Variants in FMO1 observed in about 807,000 individuals in gnomAD.
FMO1 encodes flavin-containing monooxygenase 1.
FMO1 carries 36 observed loss-of-function variants against 45.4 expected under a neutral mutation model. The observed-to-expected ratio is 0.79, with a 90% CI of 0.61 to 1.05. The LOEUF (loss-of-function observed/expected upper bound fraction) is 1.05, where lower values mean the gene tolerates loss of function less well. FMO1 is among the 50% of genes least tolerant of loss of function. FMO1 has a pLI of 0.00. For missense variants in FMO1, 615 were observed against 640.3 expected, an observed-to-expected ratio of 0.96 and a Z score of 0.43; for synonymous variants, 228 against 227.2, an observed-to-expected ratio of 1.00 and a Z score of -0.03.
At chr1:171,272,696 T>C (rs1034495591) in intron 3 of FMO1, among the ~76,000 whole-genome samples, 1 of 152,232 alleles carries the variant, frequency 6.6e-6, no homozygotes, top group South Asian at 2.1e-4. Flanking sequence ...CGGACTTGCA[T>C]GGGGCCTGTA....
Position 171,267,749 on chromosome 1 carries a change from A to T in FMO1, c.321+18A>T. 6.3e-7 allele frequency: 1 copy of T among 1,581,222 alleles called. No homozygotes were observed. Among genetic ancestry groups the T allele is most frequent in the Admixed American group, 1.7e-5 (1 of 58,460 alleles). ...AATTCAAGGTAAGACACAAAACATCAGTTAGTAGTCAGAAAGTATTTCCTA... is the reference window on the plus strand; with the variant it reads ...AATTCAAGGTAAGACACAAAACATCTGTTAGTAGTCAGAAAGTATTTCCTA... On this transcript the variant is annotated intron_variant, in intron 3 of 8. Transcript: ENST00000617670.
At chr1:171,283,095 C>A in intron 7 of FMO1, 49 bp from the exon 8 acceptor site, 1 of 958,684 alleles carries the variant, frequency 1.0e-6, no homozygotes, top group Non-Finnish European at 1.7e-6. Context: ...AAGTCAACAG[C>A]TAGACCTAAA....
intron 3 of FMO1, chr1:171,270,998 C>A: frequency 2.1e-6 from 2 of 956,478 alleles, no homozygotes; most frequent in Non-Finnish European, 3.3e-6. Context: ...ACCTCCTCAT[C>A]ATAATCTTCT....
Position 171,275,336 on chromosome 1 carries a change from C to T in FMO1, c.322-10C>T. On this transcript the variant is annotated splice_polypyrimidine_tract_variant and intron_variant, in intron 3 of 8. Transcript: ENST00000617670. The stretch of plus-strand genomic sequence containing the variant: ...ACAACTGCTAATCATATCTGTGATT[C>T]TTTTTTCAGACCAAAGTCTGCAGTG... The T allele has an allele frequency of 6.2e-7, 1 of 1,612,104 alleles. No homozygotes were observed. The highest frequency in any genetic ancestry group is 1.3e-5 in the African/African-American group (1 of 74,988).
At chr1:171,273,928 G>A (rs577955164) in intron 3 of FMO1, among the ~76,000 whole-genome samples, 2 of 152,158 alleles carry the variant, frequency 1.3e-5, no homozygotes, top group African/African-American at 2.4e-5. Flanking sequence ...CACTTTGGGG[G>A]GCCAAGGTGG....
intron 5 of FMO1, among the ~76,000 whole-genome samples, chr1:171,280,255 T>C (rs1341110416): frequency 6.6e-6 from 1 of 152,216 alleles, no homozygotes; most frequent in African/African-American, 2.4e-5. Context: ...TAAACAATTG[T>C]ACAGGAAACT....
At chr1:171,249,357 C>G (rs1659776538) in intron 1 of FMO1, among the ~76,000 whole-genome samples, 1 of 152,108 alleles carries the variant, frequency 6.6e-6, no homozygotes, top group African/African-American at 2.4e-5. Context: ...CCTAGGGAAT[C>G]TGCTATGGCC....
chr1:171,252,971 A>G (rs1160905872), intron 1 of FMO1, among the ~76,000 whole-genome samples: 1 of 152,206 alleles, frequency 6.6e-6, no homozygotes, highest in African/African-American at 2.4e-5. Flanking sequence ...ATGAATTTTG[A>G]TCTGAGAGTG....
chr1:171,284,728 T>C (rs1247418788), intron 8 of FMO1, among the ~76,000 whole-genome samples: 6 of 106,862 alleles, frequency 5.6e-5, no homozygotes, highest in East Asian at 2.7e-4. Context: ...CAAGACCTTG[T>C]AAAAAAAAAA....
At chr1:171,271,191 C>A in intron 3 of FMO1, 1 of 858,630 alleles carries the variant, frequency 1.2e-6, no homozygotes, top group Admixed American at 1.8e-5. Flanking sequence ...CAGTGTTATT[C>A]CACATCTCTC....
In FMO1 at chr1:171,278,832, C is replaced by T. The variant is rs1558016686; in HGVS notation, c.588C>T (p.Gly196=). Residue 196 remains glycine, a synonymous_variant, in exon 5 of 9, where the codon GGC becomes GGT. Transcript: ENST00000617670. The part of the protein sequence containing the change: ...RVLVIGMGNS[G]TDIAVEASHL... ...TTGTGATTGGAATGGGAAATTCTGG[C>T]ACAGACATTGCTGTGGAGGCCAGCC... The T allele has an allele frequency of 6.2e-7, 1 of 1,612,640 alleles. No homozygotes were observed. The highest frequency in any genetic ancestry group is 2.2e-5 in the East Asian group (1 of 44,862).
At chr1:171,267,882 C>G in intron 3 of FMO1, 151 bp downstream of exon 3, 1 of 567,862 alleles carries the variant, frequency 1.8e-6, no homozygotes, top group South Asian at 2.6e-5. Context: ...TATACTCACT[C>G]CCCACTTCAA....
chr1:171,263,601 G>A (rs1453142535), intron 2 of FMO1, among the ~76,000 whole-genome samples: 4 of 152,170 alleles, frequency 2.6e-5, no homozygotes, highest in African/African-American at 7.2e-5. Flanking sequence ...CATGCTCTTA[G>A]TCTCTTCCCT....
At chr1:171,252,758 C>T (rs2102062431) in intron 1 of FMO1, among the ~76,000 whole-genome samples, 1 of 152,272 alleles carries the variant, frequency 6.6e-6, no homozygotes, top group Non-Finnish European at 1.5e-5. Flanking sequence ...GGCAGAGGCT[C>T]TTGTGTTTTC....
intron 1 of FMO1, among the ~76,000 whole-genome samples, chr1:171,249,531 G>A (rs1466415841): frequency 6.6e-6 from 1 of 152,044 alleles, no homozygotes; most frequent in East Asian, 1.9e-4. Flanking sequence ...TTGTTCCCAG[G>A]GGCTAAGTAG....
chr1:171,277,388 A>G (rs1661153214), intron 4 of FMO1, among the ~76,000 whole-genome samples: 1 of 152,190 alleles, frequency 6.6e-6, no homozygotes, highest in South Asian at 2.1e-4. Context: ...GACTACTTTT[A>G]TCATTCACAT....
In FMO1 at chr1:171,282,036, A is replaced by G. The variant is rs374416986; in HGVS notation, c.886A>G (p.Lys296Glu). The G allele has an allele frequency of 5.0e-6, 8 of 1,613,574 alleles. No individual in the cohort carries two copies. Among genetic ancestry groups the G allele is most frequent in the Non-Finnish European group, 5.9e-6 (7 of 1,179,858 alleles). Residue 296 changes from lysine (K) to glutamate (E), a missense_variant, in exon 7 of 9, where the codon AAA becomes GAA. Physicochemically the swap from Lys to Glu is moderately conservative, Grantham distance 56. Transcript: ENST00000617670. Reference sequence around the variant, plus strand: ...GCTCCCAGGACGCATCATCACTGGGAAAGTGTTCATCAGGCCAAGCATAAA... The same window carrying G: ...GCTCCCAGGACGCATCATCACTGGGGAAGTGTTCATCAGGCCAAGCATAAA... ...DELPGRIITG[K>E]VFIRPSIKEV... is the part of the protein sequence containing the mutation.
intron 3 of FMO1, chr1:171,271,633 C>T: frequency 1.4e-6 from 1 of 723,886 alleles, no homozygotes; most frequent in Admixed American, 1.8e-5. Flanking sequence ...GCCCAGTGCC[C>T]ATCTGGCTCT....
chr1:171,275,213 GT>G (rs1439310005), intron 3 of FMO1, 132 bp from the exon 4 acceptor site: 1 of 640,134 alleles, frequency 1.6e-6, no homozygotes. Flanking sequence ...ACCTGATTAG[GT>G]TTCTAGGGTT....
Sources: gnomAD v4.1 joint callset for allele counts (sites outside exome capture counted in the v4.1 genomes callset) on GRCh38, gnomAD v4.1.1 for gene constraint, MANE v1.5 for transcripts, NCBI Gene and HGNC (gene_info 2026-07-23, HGNC 2026-07-21) for gene names.